Variants in PACS1 observed in about 807,000 individuals in gnomAD.
The protein encoded by PACS1 is PACS-1.
Under a neutral mutation model 115.0 loss-of-function variants are expected in PACS1, and 24 were observed. The observed-to-expected ratio is 0.21, with a 90% CI of 0.15 to 0.29. PACS1 has a LOEUF of 0.29. PACS1 is among the 10% of genes least tolerant of loss of function. The pLI is 1.00. For synonymous variants in PACS1, 453 were observed against 504.5 expected, an observed-to-expected ratio of 0.90 and a Z score of 1.37; for missense variants, 838 against 1,251.2, an observed-to-expected ratio of 0.67 and a Z score of 4.98.
chr11:66,133,197 C>G (rs1325139798), intron 1 of PACS1, among the ~76,000 whole-genome samples: 1 of 152,226 alleles, frequency 6.6e-6, no homozygotes. Flanking sequence ...GCTACTCTAA[C>G]CCGTGTCACC....
intron 10 of PACS1, 22 bp from the exon 11 acceptor site, chr11:66,227,482 C>T: frequency 7.1e-7 from 1 of 1,403,946 alleles, no homozygotes; most frequent in South Asian, 1.2e-5. Flanking sequence ...TCAGTGATAA[C>T]TAATTCTTAT....
chr11:66,086,518 C>T (rs948608559), intron 1 of PACS1, among the ~76,000 whole-genome samples: 5 of 152,160 alleles, frequency 3.3e-5, no homozygotes, highest in African/African-American at 1.2e-4. Context: ...GGCCAAAGGC[C>T]GATTTGTTAT....
In PACS1 at chr11:66,070,651, G is replaced by C; in HGVS notation, c.165G>C (p.Ser55=). 1 of 1,564,402 alleles carries C rather than the reference G, an allele frequency of 6.4e-7. No homozygotes were observed. Among genetic ancestry groups the C allele is most frequent in the Non-Finnish European group, 8.6e-7 (1 of 1,161,906 alleles). ...PTPPKLAQAT[S]SSSSTSAAAA... is the part of the protein sequence containing the mutation. ...CCCCCAAGCTGGCCCAGGCCACCTC[G>C]TCGTCCTCGTCCACCTCGGCGGCGG... The change falls in exon 1 of 24, where the codon TCG becomes TCC. Residue 55 remains serine, a synonymous_variant. Coordinates refer to ENST00000320580, the MANE Select transcript of PACS1 (RefSeq NM_018026.4). This position sits in a 1 kb window ranked among gnomAD's most constrained non-coding sequence, Gnocchi z 5.9.
chr11:66,199,747 C>T (rs979870593), intron 2 of PACS1, among the ~76,000 whole-genome samples: 5 of 152,076 alleles, frequency 3.3e-5, no homozygotes, highest in African/African-American at 9.7e-5. Context: ...CAGCTGGGCA[C>T]GGTGGCTCAT....
intron 1 of PACS1, among the ~76,000 whole-genome samples, chr11:66,182,129 A>G (rs897824664): frequency 1.3e-5 from 2 of 152,234 alleles, no homozygotes; most frequent in African/African-American, 2.4e-5. Context: ...CCTACCTCTG[A>G]GGCCTGTTTC....
At chr11:66,133,200 G>A (rs944129798) in intron 1 of PACS1, among the ~76,000 whole-genome samples, 3 of 152,150 alleles carry the variant, frequency 2.0e-5, no homozygotes, top group Non-Finnish European at 2.9e-5. Context: ...ACTCTAACCC[G>A]TGTCACCTGT....
At chr11:66,231,937 G>A (rs1049882415) in intron 13 of PACS1, 5 of 437,510 alleles carry the variant, frequency 1.1e-5, no homozygotes, top group East Asian at 4.0e-5. Context: ...CAGGACAACC[G>A]CTGTGGCTTT....
intron 7 of PACS1, chr11:66,219,501 A>T: frequency 1.6e-6 from 1 of 643,808 alleles, no homozygotes; most frequent in Non-Finnish European, 2.9e-6. Flanking sequence ...GTTGGGGCAC[A>T]GGGGGGTGGA....
Position 66,216,592 on chromosome 11 carries a change from A to T in PACS1, c.878A>T (p.Asp293Val). 1 of 1,613,976 alleles carries T rather than the reference A, an allele frequency of 6.2e-7. No homozygotes were observed. Among genetic ancestry groups the T allele is most frequent in the Non-Finnish European group, 8.5e-7 (1 of 1,179,786 alleles). Residue 293 changes from aspartate to valine, a missense_variant, in exon 6 of 24, where the codon GAT becomes GTT. Coordinates refer to ENST00000320580, the MANE Select transcript of PACS1 (RefSeq NM_018026.4). ...ESFSSEQEGSDDPLHGQDLFY... is the reference protein window; with the variant it reads ...ESFSSEQEGSVDPLHGQDLFY... ...TTCTCATCAGAACAGGAAGGCAGTG[A>T]TGATCCATTGCATGGGCAGGTAACT...
intron 2 of PACS1, among the ~76,000 whole-genome samples, chr11:66,196,610 T>C (rs1854656146): frequency 6.6e-6 from 1 of 152,186 alleles, no homozygotes; most frequent in Non-Finnish European, 1.5e-5. Context: ...AAATAAAATT[T>C]GACCTTTTTT....
At chr11:66,208,676 AGAAG>A (rs1855000869) in intron 2 of PACS1, among the ~76,000 whole-genome samples, 3 of 142,838 alleles carry the variant, frequency 2.1e-5, no homozygotes, top group Admixed American at 7.0e-5. Context: ...AAAAAAAAGA[AGAAG>A]AAAAAGAAAG....
intron 1 of PACS1, among the ~76,000 whole-genome samples, chr11:66,095,762 T>G (rs913483267): frequency 6.6e-6 from 1 of 152,076 alleles, no homozygotes; most frequent in Admixed American, 6.6e-5. Flanking sequence ...CCGGCCTCAT[T>G]ATTGCTTTTA....
intron 5 of PACS1, 117 bp downstream of exon 5, chr11:66,216,380 A>G: frequency 6.9e-7 from 1 of 1,446,984 alleles, no homozygotes; most frequent in Non-Finnish European, 9.6e-7. Context: ...CCCTGAAAGT[A>G]AAATGTGGCT....
chr11:66,202,742 A>AAAATAT (rs1200930188), intron 2 of PACS1, among the ~76,000 whole-genome samples: 36 of 71,584 alleles, frequency 5.0e-4, no homozygotes, highest in Non-Finnish European at 6.8e-4. Flanking sequence ...AAAAAAAAAA[A>AAAATAT]ATATATATAT....
chr11:66,108,311 T>A (rs2134541504), intron 1 of PACS1, among the ~76,000 whole-genome samples: 1 of 152,252 alleles, frequency 6.6e-6, no homozygotes, highest in East Asian at 1.9e-4. Context: ...GTGTCTTCCT[T>A]TAATAAGGAT....
intron 1 of PACS1, among the ~76,000 whole-genome samples, chr11:66,127,578 A>G (rs573536052): frequency 9.4e-4 from 143 of 152,344 alleles, no homozygotes; most frequent in African/African-American, 3.3e-3. Context: ...AGACAAGTGC[A>G]TCAGGGTACG....
intron 1 of PACS1, among the ~76,000 whole-genome samples, chr11:66,131,171 T>C (rs960979706): frequency 5.9e-5 from 9 of 152,236 alleles, no homozygotes; most frequent in Non-Finnish European, 1.0e-4. Flanking sequence ...CCAACAAGTA[T>C]CATTGTTGGG....
intron 8 of PACS1, 101 bp downstream of exon 8, chr11:66,219,906 C>G: frequency 1.1e-6 from 1 of 900,960 alleles, no homozygotes; most frequent in South Asian, 1.3e-5. Context: ...AGTCAGGATT[C>G]TAGGATTAAT....
chr11:66,227,733 C>T (rs2134729787), intron 11 of PACS1, 149 bp downstream of exon 11: 1 of 558,936 alleles, frequency 1.8e-6, no homozygotes, highest in South Asian at 2.6e-5. Context: ...CTCCTGAAAT[C>T]CTTACCCGTG....
Sources: gnomAD v4.1 joint callset for allele counts (sites outside exome capture counted in the v4.1 genomes callset) on GRCh38, gnomAD v4.1.1 for gene constraint, Gnocchi (gnomAD v3.1) non-coding constraint, MANE v1.5 for transcripts, NCBI Gene and HGNC (gene_info 2026-07-23, HGNC 2026-07-21) for gene names.